The following SUGCT variants were observed in gnomAD, a reference collection of about 807,000 sequenced individuals.
SUGCT encodes succinyl-CoA:glutarate CoA-transferase.
SUGCT carries 41 observed loss-of-function variants against 55.0 expected under a neutral mutation model. The observed-to-expected ratio is 0.74, with a 90% CI of 0.58 to 0.97. The LOEUF is 0.97. SUGCT is among the 50% of genes least tolerant of loss of function. The probability of loss-of-function intolerance (pLI) is 0.00; values close to 1 mark genes in which losing one functional copy is unlikely to be tolerated. For synonymous variants in SUGCT, 187 were observed against 200.4 expected, an observed-to-expected ratio of 0.93 and a Z score of 0.56; for missense variants, 568 against 547.8, an observed-to-expected ratio of 1.04 and a Z score of -0.37.
chr7:40,697,027 G>A (rs1784962683), intron 12 of SUGCT, among the ~76,000 whole-genome samples: 1 of 152,012 alleles, frequency 6.6e-6, no homozygotes, highest in South Asian at 2.1e-4. Context: ...TTTGCACTGC[G>A]GTACTTTGTG....
chr7:40,871,800 C>T, the SUGCT span, among the ~76,000 whole-genome samples: 47 of 151,858 alleles, frequency 3.1e-4, no homozygotes, highest in African/African-American at 1.0e-3. Context: ...TTAACCTCTT[C>T]GGGGGAGCTC....
chr7:40,533,716 T>A (rs1794210554), intron 12 of SUGCT, among the ~76,000 whole-genome samples: 1 of 152,200 alleles, frequency 6.6e-6, no homozygotes, highest in Non-Finnish European at 1.5e-5. Context: ...ATCACTTATA[T>A]GTTCTATTAA....
intron 12 of SUGCT, among the ~76,000 whole-genome samples, chr7:40,696,980 G>C (rs1390992856): frequency 6.6e-6 from 1 of 152,126 alleles, no homozygotes; most frequent in Non-Finnish European, 1.5e-5. Flanking sequence ...TTAGATTATA[G>C]TGTGTAATTA....
At chr7:40,301,222 C>G (rs1794519368) in intron 8 of SUGCT, among the ~76,000 whole-genome samples, 1 of 152,102 alleles carries the variant, frequency 6.6e-6, no homozygotes, top group Non-Finnish European at 1.5e-5. Flanking sequence ...TGTCTCAGCA[C>G]CTAGCACGGT....
At chr7:40,574,380 G>A (rs1796611665) in intron 12 of SUGCT, among the ~76,000 whole-genome samples, 1 of 152,052 alleles carries the variant, frequency 6.6e-6, no homozygotes, top group Non-Finnish European at 1.5e-5. Context: ...CATTTCTGAA[G>A]ATATATTATG....
chr7:40,594,828 A>G (rs1289671538), intron 12 of SUGCT, among the ~76,000 whole-genome samples: 1 of 152,180 alleles, frequency 6.6e-6, no homozygotes, highest in African/African-American at 2.4e-5. Context: ...AAGTAGGGAG[A>G]GAAACTCAAA....
At chr7:40,750,488 C>T (rs1787955203) in intron 13 of SUGCT, among the ~76,000 whole-genome samples, 2 of 152,158 alleles carry the variant, frequency 1.3e-5, no homozygotes, top group South Asian at 2.1e-4. Flanking sequence ...TCTTCAGTCA[C>T]CTCAGTCAGG....
intron 12 of SUGCT, among the ~76,000 whole-genome samples, chr7:40,745,717 A>C (rs1160183108): frequency 1.3e-5 from 2 of 152,216 alleles, no homozygotes; most frequent in African/African-American, 4.8e-5. Context: ...AAAATGAAGG[A>C]GAAAACAGTA....
At chr7:40,382,015 C>CTGTG (rs949063743) in intron 9 of SUGCT, among the ~76,000 whole-genome samples, 6 of 146,612 alleles carry the variant, frequency 4.1e-5, no homozygotes, top group African/African-American at 1.2e-4. Flanking sequence ...GTGTGTGTGT[C>CTGTG]TGTGTGTGTG....
chr7:40,750,807 T>C (rs536010094), intron 13 of SUGCT, among the ~76,000 whole-genome samples: 12 of 152,158 alleles, frequency 7.9e-5, no homozygotes, highest in Non-Finnish European at 1.3e-4. Flanking sequence ...GGAAATGTTA[T>C]ATGGTATAGA....
intron 8 of SUGCT, among the ~76,000 whole-genome samples, chr7:40,310,515 C>G (rs1239373976): frequency 2.6e-5 from 4 of 152,168 alleles, no homozygotes; most frequent in Non-Finnish European, 5.9e-5. Flanking sequence ...AATGTGTCAA[C>G]ATTGGCTCTG....
chr7:40,230,488 G>A lies in SUGCT; in HGVS notation c.485-7147G>A, dbSNP rs529441421. Among the ~76,000 whole-genome samples the A allele has an allele frequency of 2.6e-5, 4 of 152,336 alleles. No homozygotes were observed. In the East Asian group the frequency reaches 7.7e-4, roughly 29 times the overall value. ...CGAAAGGCTTTTGTAGCCACATGAAGAATAAACTGAGACAGGGGAAGTGGT... is the reference window on the plus strand; with the variant it reads ...CGAAAGGCTTTTGTAGCCACATGAAAAATAAACTGAGACAGGGGAAGTGGT... On this transcript the variant is annotated intron_variant, in intron 6 of 13. Coordinates refer to ENST00000335693, the MANE Select transcript of SUGCT (RefSeq NM_001193313.2).
At chr7:40,655,309 A>G (rs1316512657) in intron 12 of SUGCT, among the ~76,000 whole-genome samples, 1 of 152,194 alleles carries the variant, frequency 6.6e-6, no homozygotes, top group Non-Finnish European at 1.5e-5. Context: ...AAAATTAAAA[A>G]TTAAAAAAAT....
chr7:40,344,677 G>A (rs879008631), intron 9 of SUGCT, among the ~76,000 whole-genome samples: 1 of 152,126 alleles, frequency 6.6e-6, no homozygotes, highest in Non-Finnish European at 1.5e-5. Context: ...AAAGTTTGCT[G>A]ACCCATGCTT....
At chr7:40,879,858 A>G in the SUGCT span, among the ~76,000 whole-genome samples, 4 of 152,154 alleles carry the variant, frequency 2.6e-5, no homozygotes, top group Non-Finnish European at 5.9e-5. Flanking sequence ...TGGCAGACAT[A>G]AAAGGGCAAG....
intron 13 of SUGCT, among the ~76,000 whole-genome samples, chr7:40,803,562 A>G (rs1018937889): frequency 6.6e-6 from 1 of 152,072 alleles, no homozygotes; most frequent in Non-Finnish European, 1.5e-5. Flanking sequence ...CTTCCCTCAT[A>G]TTGCATCTTC....
At chr7:40,953,223 C>T in the SUGCT span, among the ~76,000 whole-genome samples, 4 of 152,216 alleles carry the variant, frequency 2.6e-5, no homozygotes, top group African/African-American at 9.7e-5. Context: ...CACTGATACC[C>T]TTTCTTCCAG....
the SUGCT span, among the ~76,000 whole-genome samples, chr7:40,908,345 T>G: frequency 7.1e-6 from 1 of 141,540 alleles, no homozygotes; most frequent in Non-Finnish European, 1.5e-5. Context: ...ATCACGCCAC[T>G]GCATTCCAAC....
chr7:40,663,564 T>C (rs1801447636), intron 12 of SUGCT, among the ~76,000 whole-genome samples: 1 of 151,974 alleles, frequency 6.6e-6, no homozygotes, highest in African/African-American at 2.4e-5. Context: ...CAAGTCTCTC[T>C]TGGAGATCCT....
Sources: allele counts gnomAD v4.1 joint callset (sites outside exome capture counted in the v4.1 genomes callset), GRCh38; gene constraint gnomAD v4.1.1; transcripts MANE v1.5; gene names NCBI Gene and HGNC (gene_info 2026-07-23, HGNC 2026-07-21).